The following TSPEAR variants were observed in gnomAD, a reference collection of about 807,000 sequenced individuals.
The protein encoded by TSPEAR is thrombospondin-type laminin G domain and EAR repeat-containing protein.
Under a neutral mutation model 71.6 loss-of-function variants are expected in TSPEAR, and 69 were observed. The observed-to-expected ratio is 0.96, with a 90% CI of 0.79 to 1.18. The LOEUF (loss-of-function observed/expected upper bound fraction) is 1.18. Among genes scored for constraint, TSPEAR ranks in the 50% most tolerant of loss-of-function variants. TSPEAR has a pLI of 0.00. For missense variants in TSPEAR, 971 were observed against 894.9 expected (o/e 1.09, Z -1.09); for synonymous variants, 402 against 387.2 (o/e 1.04, Z -0.45).
intron 10 of TSPEAR, chr21:44,508,468 A>G (rs2052259810): frequency 9.8e-7 from 1 of 1,017,630 alleles, no homozygotes; most frequent in Non-Finnish European, 1.2e-6. Context: ...TTCCAGCTCC[A>G]AGCTTGACCC....
rs150779559 is a variant in TSPEAR at position 44,675,927 on chromosome 21, T to G, written c.82+35506A>C. 4.0e-4 allele frequency: 315 copies of G among 792,566 alleles called. 1 individual carries two copies. In the African/African-American group the frequency reaches 4.4e-3, roughly 11 times the overall value. 49.1% of individuals were successfully genotyped at this position (792,566 alleles called of 1,614,324 possible). On this transcript the variant is annotated intron_variant, in intron 1 of 11. Coordinates refer to ENST00000323084, the MANE Select transcript of TSPEAR (RefSeq NM_144991.3). ...ACGGCGCTGGCATATGCTGTCAGGA[T>G]TTCCATTATCTGTTTCGTTTCTAGG... is the stretch of plus-strand genomic sequence containing the variant.
intron 2 of TSPEAR, among the ~76,000 whole-genome samples, chr21:44,552,327 C>G (rs782210406): frequency 3.3e-5 from 5 of 152,182 alleles, no homozygotes; most frequent in Non-Finnish European, 7.4e-5. Flanking sequence ...GGGCAGGGAC[C>G]GTCACAGGTG....
chr21:44,676,884 T>G, intron 1 of TSPEAR: 1 of 884,946 alleles, frequency 1.1e-6, no homozygotes, highest in East Asian at 2.4e-5. Context: ...TCTGTTCTGC[T>G]AGCTCTCTGT....
intron 2 of TSPEAR, among the ~76,000 whole-genome samples, chr21:44,536,955 A>G (rs1185180626): frequency 2.6e-5 from 4 of 152,246 alleles, no homozygotes; most frequent in Non-Finnish European, 5.9e-5. Context: ...CCCCATTCAC[A>G]CTAGTAAAAC....
intron 9 of TSPEAR, chr21:44,518,226 T>G (rs587622824): frequency 7.1e-5 from 31 of 437,012 alleles, no homozygotes; most frequent in African/African-American, 6.0e-4. Flanking sequence ...GCTCAGTTTC[T>G]TTCAGCCTTT....
rs782400547 is a variant in TSPEAR, at chr21:44,504,804, A to C, written c.1832T>G (p.Phe611Cys). The change falls in exon 11 of 12, where the codon TTC becomes TGC. Residue 611 changes from phenylalanine to cysteine, a missense_variant. Coordinates refer to ENST00000323084, the MANE Select transcript of TSPEAR (RefSeq NM_144991.3). Reference protein sequence around the residue: ...VVANSFDGRTFSVNSIIYRWQ... With the variant: ...VVANSFDGRTCSVNSIIYRWQ... ...CCTGTAAATAATACTGTTCACCGAG[A>C]AGGTACGCCCATCGAAGGAGTTGGC... is the stretch of plus-strand genomic sequence containing the variant. 2 of 1,613,830 alleles carry C rather than the reference A, an allele frequency of 1.2e-6. No homozygotes were observed. The highest frequency in any genetic ancestry group is 1.7e-6 in the Non-Finnish European group (2 of 1,179,854).
chr21:44,647,384 T>G (rs1555940431), intron 1 of TSPEAR: 1 of 1,602,584 alleles, frequency 6.2e-7, no homozygotes, highest in Non-Finnish European at 8.5e-7. Flanking sequence ...CTGCTGACTG[T>G]GTCTTTGCTG....
At position 44,500,061 on chromosome 21, in the gene TSPEAR, C is replaced by T. The variant is rs116156114; in HGVS notation, c.1857-125G>A. 1.9e-3 allele frequency: 1,924 copies of T among 997,194 alleles called. 22 individuals carry two copies. The African/African-American group carries it at 0.028, about 15-fold the overall frequency. 61.8% of individuals were successfully genotyped at this position (997,194 alleles called of 1,614,324 possible). On this transcript the variant is annotated intron_variant, in intron 11 of 11. Coordinates refer to ENST00000323084, the MANE Select transcript of TSPEAR (RefSeq NM_144991.3). The stretch of plus-strand genomic sequence containing the variant: ...GTCACATCTGAGCCTCTTCCATCCC[C>T]CCGACTGGCACAGCGTGGGGAGATC...
intron 7 of TSPEAR, among the ~76,000 whole-genome samples, chr21:44,526,677 G>T (rs2145972568): frequency 6.6e-6 from 1 of 152,346 alleles, no homozygotes; most frequent in Non-Finnish European, 1.5e-5. Flanking sequence ...GACTATTTGG[G>T]GGCAGTCAGG....
chr21:44,707,206 C>A (rs1479734516), intron 1 of TSPEAR, among the ~76,000 whole-genome samples: 1 of 152,178 alleles, frequency 6.6e-6, no homozygotes, highest in Non-Finnish European at 1.5e-5. Flanking sequence ...CCAGGAGGAC[C>A]GCACCTGCCC....
intron 11 of TSPEAR, among the ~76,000 whole-genome samples, chr21:44,502,712 C>G (rs991845964): frequency 6.6e-6 from 1 of 152,274 alleles, no homozygotes; most frequent in Non-Finnish European, 1.5e-5. Context: ...CAGCCAGCGC[C>G]GGGCCATCCA....
chr21:44,646,467 G>A (rs782341003), intron 1 of TSPEAR: 22 of 1,607,448 alleles, frequency 1.4e-5, no homozygotes, highest in South Asian at 4.4e-5. Flanking sequence ...GCATGGCCGC[G>A]TCCACCATGT....
intron 1 of TSPEAR, among the ~76,000 whole-genome samples, chr21:44,592,962 C>T (rs750972632): frequency 6.6e-6 from 1 of 152,172 alleles, no homozygotes; most frequent in Non-Finnish European, 1.5e-5. Flanking sequence ...TTGACCTGCC[C>T]TGGGCCATGG....
intron 2 of TSPEAR, chr21:44,558,194 G>GCACAGC (rs1352189431): frequency 6.4e-7 from 1 of 1,554,136 alleles, no homozygotes; most frequent in Non-Finnish European, 8.8e-7. Flanking sequence ...AGCAGGAGGG[G>GCACAGC]ATGGGCACAC....
intron 2 of TSPEAR, among the ~76,000 whole-genome samples, chr21:44,564,625 A>G (rs976616253): frequency 5.3e-5 from 8 of 152,226 alleles, no homozygotes; most frequent in African/African-American, 1.9e-4. Flanking sequence ...AGAGCACCAA[A>G]ATACATGAAG....
chr21:44,613,238 C>T (rs375345139), intron 1 of TSPEAR, among the ~76,000 whole-genome samples: 30 of 152,336 alleles, frequency 2.0e-4, no homozygotes, highest in African/African-American at 6.3e-4. Flanking sequence ...GGAGGACACA[C>T]GGTTTTGAGC....
chr21:44,647,132 G>C lies in TSPEAR; in HGVS notation c.82+64301C>G, dbSNP rs782494084. 2.5e-6 allele frequency: 4 copies of C among 1,614,114 alleles called. No individual in the cohort carries two copies. The South Asian group carries it at 4.4e-5, about 18-fold the overall frequency. On this transcript the variant is annotated intron_variant, in intron 1 of 11. Transcript: ENST00000323084. Reference sequence around the variant, plus strand: ...CAGCAGCCTAGCTGCCAGCCAGCTTGCTGCACCACCTCCTGCTGCAGACCC... The same window carrying C: ...CAGCAGCCTAGCTGCCAGCCAGCTTCCTGCACCACCTCCTGCTGCAGACCC...
In TSPEAR at chr21:44,566,201, G is replaced by A. The variant is rs587721561; in HGVS notation, c.303+1584C>T. 6.6e-5 allele frequency among the ~76,000 whole-genome samples: 10 copies of A among 151,754 alleles called. No individual in the cohort carries two copies. In the South Asian group the frequency reaches 1.5e-3, roughly 22 times the overall value. On this transcript the variant is annotated intron_variant, in intron 2 of 11. Coordinates refer to ENST00000323084, the MANE Select transcript of TSPEAR (RefSeq NM_144991.3). ...TCTCAAAATTAAATAAATAAATAAC[G>A]GTATTTCTATATATTTGCAATTAAC...
At position 44,636,056 on chromosome 21, in the gene TSPEAR, G is replaced by C. The variant is rs1983544330; in HGVS notation, c.83-68051C>G. ...CTTTTGTATCTTATCCTGTTTTAGT[G>C]GTAAGGACTTCAAATTTTTCACATT... On this transcript the variant is annotated intron_variant, in intron 1 of 11. Coordinates refer to ENST00000323084, the MANE Select transcript of TSPEAR (RefSeq NM_144991.3). 3.5e-5 allele frequency among the ~76,000 whole-genome samples: 5 copies of C among 142,454 alleles called. No individual in the cohort carries two copies. In the South Asian group the frequency reaches 1.0e-3, roughly 30 times the overall value. 93.5% of individuals were successfully genotyped at this position (142,454 alleles called of 152,430 possible).
Sources: gnomAD v4.1 joint callset for allele counts (sites outside exome capture counted in the v4.1 genomes callset) on GRCh38, gnomAD v4.1.1 for gene constraint, MANE v1.5 for transcripts, NCBI Gene and HGNC (gene_info 2026-07-23, HGNC 2026-07-21) for gene names.